Variants in CREB5 observed in about 807,000 individuals in gnomAD.
CREB5 encodes cyclic AMP-responsive element-binding protein 5.
In CREB5, 19 loss-of-function variants were observed where a neutral mutation model predicts 57.1. That is an observed-to-expected ratio of 0.33 (90% CI 0.23 to 0.49). The LOEUF (loss-of-function observed/expected upper bound fraction) is 0.49, where lower values mean the gene tolerates loss of function less well. Among genes scored for constraint, CREB5 ranks in the 20% least tolerant of loss-of-function variants. The pLI is 0.99. For synonymous variants in CREB5, 238 were observed against 238.3 expected, an observed-to-expected ratio of 1.00 and a Z score of 0.01; for missense variants, 579 against 671.6, an observed-to-expected ratio of 0.86 and a Z score of 1.52.
At chr7:28,545,783 CTCT>C (rs543327276) in intron 4 of CREB5, among the ~76,000 whole-genome samples, 417 of 152,202 alleles carry the variant, frequency 2.7e-3, no homozygotes, top group Middle Eastern at 0.01. Context: ...CACGCCCATT[CTCT>C]TCTTCTGCAT....
At chr7:28,637,165 C>CA (rs557321721) in intron 5 of CREB5, among the ~76,000 whole-genome samples, 2 of 151,144 alleles carry the variant, frequency 1.3e-5, no homozygotes, top group African/African-American at 2.4e-5. Context: ...AAAAACAAAA[C>CA]AAAAAAAGAA....
intron 1 of CREB5, among the ~76,000 whole-genome samples, chr7:28,485,687 A>AT (rs1403578984): frequency 6.6e-5 from 10 of 152,198 alleles, no homozygotes; most frequent in Non-Finnish European, 7.4e-5. Context: ...ATGGTCAGGC[A>AT]GATGAAAGCT....
intron 4 of CREB5, among the ~76,000 whole-genome samples, chr7:28,558,011 G>C (rs190077539): frequency 3.3e-5 from 5 of 152,346 alleles, no homozygotes; most frequent in Non-Finnish European, 5.9e-5. Flanking sequence ...TCAATATTCA[G>C]ACAGGATTTC....
At position 28,632,793 on chromosome 7, in the gene CREB5, T is replaced by C. The variant is rs879395336; in HGVS notation, c.464+62256T>C. Among the ~76,000 whole-genome samples, 6 of 152,198 alleles carry C rather than the reference T, an allele frequency of 3.9e-5. 1 individual carries two copies. Among genetic ancestry groups the C allele is most frequent in the Admixed American group, 2.6e-4 (4 of 15,266 alleles). ...TCACCCTCCATGACATCACCCTTCA[T>C]TGTTTTCCTCACAGCATTTATCATT... On this transcript the variant is annotated intron_variant, in intron 5 of 10. Transcript: ENST00000357727.
At chr7:28,321,410 A>T (rs1209032601) in intron 1 of CREB5, among the ~76,000 whole-genome samples, 8 of 152,130 alleles carry the variant, frequency 5.3e-5, no homozygotes, top group Non-Finnish European at 7.3e-5. Context: ...GGGGGAAAAA[A>T]CATTTCTTTT....
intron 1 of CREB5, among the ~76,000 whole-genome samples, chr7:28,486,726 G>T (rs1359798887): frequency 1.7e-5 from 2 of 119,196 alleles, no homozygotes; most frequent in African/African-American, 3.1e-5. Flanking sequence ...ACAAAACCAT[G>T]TATGCTATAC....
intron 1 of CREB5, among the ~76,000 whole-genome samples, chr7:28,396,401 G>A (rs1468565609): frequency 6.6e-6 from 1 of 152,026 alleles, no homozygotes; most frequent in Non-Finnish European, 1.5e-5. Context: ...GCACCTGTTG[G>A]GGATGTTTAT....
intron 1 of CREB5, among the ~76,000 whole-genome samples, chr7:28,388,254 T>A (rs935794867): frequency 1.3e-5 from 2 of 152,218 alleles, no homozygotes; most frequent in Admixed American, 6.5e-5. Context: ...CCTGTGGTTA[T>A]GAATTTTCAG....
intron 7 of CREB5, chr7:28,749,215 C>G (rs558322465): frequency 3.9e-5 from 6 of 152,362 alleles, no homozygotes; most frequent in Non-Finnish European, 8.8e-5. Flanking sequence ...GACAAGTCAG[C>G]TCCTTCCCAT....
intron 1 of CREB5, among the ~76,000 whole-genome samples, chr7:28,425,302 G>A (rs1353473661): frequency 6.6e-6 from 1 of 151,828 alleles, no homozygotes. Context: ...TAACATGAAT[G>A]AACCTTGAAA....
At chr7:28,591,584 G>A (rs73301191) in intron 5 of CREB5, among the ~76,000 whole-genome samples, 4 of 152,126 alleles carry the variant, frequency 2.6e-5, no homozygotes, top group Admixed American at 6.5e-5. Flanking sequence ...GGGGAGTCCA[G>A]TTTAGGACTG....
intron 5 of CREB5, among the ~76,000 whole-genome samples, chr7:28,604,320 G>T (rs1583404332): frequency 6.6e-6 from 1 of 152,126 alleles, no homozygotes; most frequent in African/African-American, 2.4e-5. Context: ...TGCTTATGGT[G>T]AGATTTGGGT....
At chr7:28,458,928 C>T (rs1469918482) in intron 1 of CREB5, among the ~76,000 whole-genome samples, 1 of 152,162 alleles carries the variant, frequency 6.6e-6, no homozygotes, top group African/African-American at 2.4e-5. Flanking sequence ...GGTGTGATAA[C>T]CCTGGTGGGC....
chr7:28,530,764 A>T (rs1020362958), intron 4 of CREB5, among the ~76,000 whole-genome samples: 2 of 152,112 alleles, frequency 1.3e-5, no homozygotes, highest in African/African-American at 4.8e-5. Flanking sequence ...TCTCAAAATA[A>T]ACAAGCAGTG....
chr7:28,608,148 CA>C (rs1312101789), intron 5 of CREB5, among the ~76,000 whole-genome samples: 1 of 150,738 alleles, frequency 6.6e-6, no homozygotes, highest in African/African-American at 2.5e-5. Context: ...CACACACACA[CA>C]CACACACTCT....
At chr7:28,762,604 T>C (rs1366546590) in intron 7 of CREB5, among the ~76,000 whole-genome samples, 1 of 152,160 alleles carries the variant, frequency 6.6e-6, no homozygotes, top group African/African-American at 2.4e-5. Flanking sequence ...CCTTCTGTGC[T>C]TTAAACCTTC....
In CREB5 at chr7:28,819,470, A is replaced by AT. The variant is rs1809639506; in HGVS notation, c.*191_*192insT. ...TATATAAGAAAAAAGGGAGTTATGC[A>AT]ATTAATATCTATCAGCTTGGGAAAC... On this transcript the variant is annotated 3_prime_UTR_variant, in exon 11 of 11. Transcript: ENST00000357727. 2 of 558,490 alleles carry AT rather than the reference A, an allele frequency of 3.6e-6. No homozygotes were observed. Among genetic ancestry groups the AT allele is most frequent in the Non-Finnish European group, 6.0e-6 (2 of 335,428 alleles). The allele number at this position is 558,490 out of a possible 1,614,324, so 34.6% of individuals were successfully genotyped here. A position where few individuals can be genotyped will look rare whatever the true frequency, so the allele number is the denominator to read the frequency against.
chr7:28,805,005 A>AATCTAG lies in CREB5; in HGVS notation c.1026+483_1026+484insATCTAG, dbSNP rs1408338239. Among the ~76,000 whole-genome samples the AATCTAG allele has an allele frequency of 5.3e-5, 8 of 152,366 alleles. No homozygotes were observed. In the East Asian group the frequency reaches 1.2e-3, roughly 22 times the overall value. On this transcript the variant is annotated intron_variant, in intron 8 of 10. Transcript: ENST00000357727. ...CAGGCAATCTTCTGAGTAACAGTGA[A>AATCTAG]TGTTAAAAATCTAAAGAGTAACAAT...
chr7:28,408,959 C>T (rs993500947), upstream of CREB5, among the ~76,000 whole-genome samples: 1 of 152,080 alleles, frequency 6.6e-6, no homozygotes, highest in African/African-American at 2.4e-5. Flanking sequence ...CCCACCTCTC[C>T]CCTACCCCCA....
Sources: gnomAD v4.1 joint callset for allele counts (sites outside exome capture counted in the v4.1 genomes callset) on GRCh38, gnomAD v4.1.1 for gene constraint, MANE v1.5 for transcripts, NCBI Gene and HGNC (gene_info 2026-07-23, HGNC 2026-07-21) for gene names.